The following PTPRD variants were observed in gnomAD, a reference collection of about 807,000 sequenced individuals.
PTPRD encodes receptor-type tyrosine-protein phosphatase delta.
Under a neutral mutation model 214.5 loss-of-function variants are expected in PTPRD, and 34 were observed. The observed-to-expected ratio is 0.16, with a 90% CI of 0.12 to 0.21. PTPRD has a LOEUF of 0.21. Among genes scored for constraint, PTPRD ranks in the 10% least tolerant of loss-of-function variants. PTPRD has a pLI of 1.00. For synonymous variants in PTPRD, 1,128 were observed against 845.7 expected (o/e 1.33, Z -5.79); for missense variants, 2,545 against 2,398.7 (o/e 1.06, Z -1.27).
At chr9:10,360,633 A>G (rs10959072) in intron 2 of PTPRD, among the ~76,000 whole-genome samples, 13,438 of 152,248 alleles carry the variant, frequency 0.088, 856 homozygotes, top group South Asian at 0.19. Context: ...AAGTTTTCTA[A>G]TATTTTTTTG....
intron 7 of PTPRD, among the ~76,000 whole-genome samples, chr9:9,681,031 G>A (rs1173789211): frequency 6.6e-6 from 1 of 151,714 alleles, no homozygotes; most frequent in Non-Finnish European, 1.5e-5. Flanking sequence ...GCAGCAGTTG[G>A]AAATTGTTAT....
intron 10 of PTPRD, among the ~76,000 whole-genome samples, chr9:9,162,483 C>T (rs2099891836): frequency 6.6e-6 from 1 of 152,032 alleles, no homozygotes; most frequent in Non-Finnish European, 1.5e-5. Flanking sequence ...TTCCTTTGTC[C>T]TTTTGGGACA....
At chr9:8,439,014 C>G (rs996628523) in intron 34 of PTPRD, among the ~76,000 whole-genome samples, 2 of 152,118 alleles carry the variant, frequency 1.3e-5, no homozygotes, top group Non-Finnish European at 2.9e-5. Flanking sequence ...TATTCCACAT[C>G]AGAATATATA....
At chr9:9,125,445 A>G (rs1227581009) in intron 10 of PTPRD, among the ~76,000 whole-genome samples, 4 of 152,058 alleles carry the variant, frequency 2.6e-5, no homozygotes, top group Non-Finnish European at 5.9e-5. Context: ...TTCTTCCCAC[A>G]GTACCTGTGC....
At chr9:9,400,581 C>T (rs1349576583) in intron 8 of PTPRD, among the ~76,000 whole-genome samples, 1 of 151,958 alleles carries the variant, frequency 6.6e-6, no homozygotes, top group Admixed American at 6.6e-5. Flanking sequence ...CCACATCTCC[C>T]CACCCCCTAC....
At chr9:9,560,098 G>A (rs2082525779) in intron 8 of PTPRD, among the ~76,000 whole-genome samples, 1 of 152,294 alleles carries the variant, frequency 6.6e-6, no homozygotes, top group South Asian at 2.1e-4. Context: ...GGTACTCTTT[G>A]AACTGGAATG....
chr9:10,302,093 C>T (rs997978862), intron 3 of PTPRD, among the ~76,000 whole-genome samples: 1 of 152,160 alleles, frequency 6.6e-6, no homozygotes, highest in African/African-American at 2.4e-5. Flanking sequence ...CCCTACAAGC[C>T]AGAAGAGAGT....
intron 3 of PTPRD, among the ~76,000 whole-genome samples, chr9:10,266,646 A>C (rs540289125): frequency 2.6e-5 from 4 of 152,344 alleles, no homozygotes; most frequent in African/African-American, 4.8e-5. Flanking sequence ...GAGAATGTAA[A>C]GAGAATACTT....
In PTPRD at chr9:9,547,721, AC is replaced by A. The variant is rs909086898; in HGVS notation, c.-237+27010del. On this transcript the variant is annotated intron_variant, in intron 8 of 45. Transcript: ENST00000381196. ...AAAGTATTTGAAGGCTATTTTCCAA[AC>A]TTTTCCAATTGTTTTCCCAATTTGA... 2.0e-5 allele frequency among the ~76,000 whole-genome samples: 3 copies of A among 151,956 alleles called. No homozygotes were observed. The East Asian group carries it at 5.8e-4, about 29-fold the overall frequency.
At chr9:8,402,229 G>T (rs776188246) in intron 36 of PTPRD, among the ~76,000 whole-genome samples, 1 of 152,024 alleles carries the variant, frequency 6.6e-6, no homozygotes, top group Non-Finnish European at 1.5e-5. Flanking sequence ...CTAGATTTAG[G>T]GTGTATTTGT....
At chr9:9,719,504 C>A (rs997684319) in intron 7 of PTPRD, among the ~76,000 whole-genome samples, 6 of 152,098 alleles carry the variant, frequency 3.9e-5, no homozygotes, top group African/African-American at 1.4e-4. Context: ...AGCCCTCCTG[C>A]CCTCTGCTGG....
chr9:9,648,531 G>T (rs2096254136), intron 7 of PTPRD, among the ~76,000 whole-genome samples: 1 of 152,192 alleles, frequency 6.6e-6, no homozygotes, highest in African/African-American at 2.4e-5. Flanking sequence ...ATGCTGGAGA[G>T]GAGAAATTTC....
intron 9 of PTPRD, among the ~76,000 whole-genome samples, chr9:9,260,805 T>C (rs576624456): frequency 1.3e-5 from 2 of 151,960 alleles, no homozygotes; most frequent in East Asian, 3.9e-4. Context: ...CCCACCCTGT[T>C]CTCTTTAGGA....
intron 9 of PTPRD, among the ~76,000 whole-genome samples, chr9:9,273,240 T>G (rs1177507521): frequency 6.6e-6 from 1 of 151,260 alleles, no homozygotes; most frequent in Non-Finnish European, 1.5e-5. Context: ...GAGACCTAAC[T>G]ACCAAATAAA....
chr9:8,934,241 C>A lies in PTPRD; in HGVS notation c.-104+84456G>T, dbSNP rs909492962. Among the ~76,000 whole-genome samples the A allele has an allele frequency of 1.3e-5, 2 of 150,366 alleles. 1 individual carries two copies. The highest frequency in any genetic ancestry group is 4.2e-4 in the South Asian group (2 of 4,778). On this transcript the variant is annotated intron_variant, in intron 11 of 45. Coordinates refer to ENST00000381196, the MANE Select transcript of PTPRD (RefSeq NM_002839.4). ...AGTGATTTGGTACCTAAACAATTTA[C>A]ATGAAAATAACATAAAATTAAGTGA...
Position 9,827,176 on chromosome 9 carries a change from C to A in PTPRD, c.-367-60325G>T, listed in dbSNP as rs561153027. On this transcript the variant is annotated intron_variant, in intron 5 of 45. Coordinates refer to ENST00000381196, the MANE Select transcript of PTPRD (RefSeq NM_002839.4). ...AACTACTTTAAAGTTCATATGGAAC[C>A]AAAAAAGAGCCCACATTGCCAAGTC... Among the ~76,000 whole-genome samples, 36 of 151,974 alleles carry A rather than the reference C, an allele frequency of 2.4e-4. 1 individual carries two copies. The South Asian group carries it at 5.2e-3, about 22-fold the overall frequency.
intron 3 of PTPRD, among the ~76,000 whole-genome samples, chr9:10,060,379 G>T (rs1363973927): frequency 6.6e-6 from 1 of 151,976 alleles, no homozygotes; most frequent in African/African-American, 2.4e-5. Flanking sequence ...ACTCTTTCCC[G>T]TTAAAATAAC....
intron 7 of PTPRD, among the ~76,000 whole-genome samples, chr9:9,665,842 C>A (rs2096711413): frequency 6.6e-6 from 1 of 151,826 alleles, no homozygotes; most frequent in African/African-American, 2.4e-5. Context: ...CCAGGGAGCA[C>A]ATTTCTGAGA....
intron 2 of PTPRD, among the ~76,000 whole-genome samples, chr9:10,446,544 C>T (rs534013767): frequency 7.0e-6 from 1 of 142,478 alleles, no homozygotes; most frequent in Admixed American, 7.5e-5. Flanking sequence ...TATAGAAATA[C>T]ACTCTAGATT....
Sources: allele counts gnomAD v4.1 joint callset (sites outside exome capture counted in the v4.1 genomes callset), GRCh38; gene constraint gnomAD v4.1.1; transcripts MANE v1.5; gene names NCBI Gene and HGNC (gene_info 2026-07-23, HGNC 2026-07-21).